Variants in MTUS2 observed in about 807,000 individuals in gnomAD.
MTUS2 encodes the protein microtubule associated scaffold protein 2, also known as microtubule-associated tumor suppressor candidate 2.
In MTUS2, 40 loss-of-function variants were observed where a neutral mutation model predicts 114.1. The ratio of observed to expected loss-of-function variants is 0.35; its 90% confidence interval spans 0.27 to 0.46. The LOEUF (loss-of-function observed/expected upper bound fraction) is 0.46. Ranked by LOEUF, MTUS2 falls within the 20% of genes least tolerant of loss-of-function variation. The pLI is 1.00. For missense variants in MTUS2, 1,679 were observed against 1,705.4 expected (o/e 0.98, Z 0.27); for synonymous variants, 688 against 672.0 (o/e 1.02, Z -0.37).
chr13:28,997,145 G>C (rs960568139), intron 2 of MTUS2, among the ~76,000 whole-genome samples: 6 of 152,040 alleles, frequency 3.9e-5, no homozygotes, highest in African/African-American at 1.2e-4. Context: ...CCTTCATTTC[G>C]TTATGTACCC....
At chr13:28,953,077 A>C (rs589511) in intron 2 of MTUS2, among the ~76,000 whole-genome samples, 138,806 of 152,240 alleles carry the variant, frequency 0.91, 63,641 homozygotes, top group South Asian at 0.99. Flanking sequence ...AATCTTTATG[A>C]TTTTTGCATC....
At chr13:29,122,110 T>C (rs1891335103) in intron 5 of MTUS2, among the ~76,000 whole-genome samples, 1 of 152,110 alleles carries the variant, frequency 6.6e-6, no homozygotes, top group African/African-American at 2.4e-5. Context: ...GTTGTACTCT[T>C]TACTGATGCA....
chr13:29,137,671 C>T (rs961696906), intron 5 of MTUS2, among the ~76,000 whole-genome samples: 1 of 151,840 alleles, frequency 6.6e-6, no homozygotes, highest in Non-Finnish European at 1.5e-5. Context: ...GGCTGGAGTA[C>T]AGTGGCGTGA....
intron 2 of MTUS2, among the ~76,000 whole-genome samples, chr13:28,963,767 T>C (rs1258799305): frequency 6.6e-6 from 1 of 152,204 alleles, no homozygotes; most frequent in Non-Finnish European, 1.5e-5. Context: ...GAGACTGCTC[T>C]TGTCAACTTT....
chr13:28,965,142 C>A (rs1023972094), intron 2 of MTUS2, among the ~76,000 whole-genome samples: 1 of 152,174 alleles, frequency 6.6e-6, no homozygotes, highest in African/African-American at 2.4e-5. Flanking sequence ...GATCTCTCTT[C>A]TAGCTCTTCC....
chr13:29,103,050 C>T (rs1185094233), intron 5 of MTUS2, among the ~76,000 whole-genome samples: 2 of 152,116 alleles, frequency 1.3e-5, no homozygotes, highest in African/African-American at 2.4e-5. Flanking sequence ...GTATCAGAAT[C>T]GGTCCTTTTT....
At chr13:28,916,143 T>G (rs1434717547) in intron 2 of MTUS2, among the ~76,000 whole-genome samples, 1 of 152,024 alleles carries the variant, frequency 6.6e-6, no homozygotes, top group Middle Eastern at 3.2e-3. Flanking sequence ...TCTATTCTAT[T>G]CCATTGGTCT....
At chr13:29,466,852 CAGTGACAA>C (rs1300440719) in intron 9 of MTUS2, among the ~76,000 whole-genome samples, 1 of 119,070 alleles carries the variant, frequency 8.4e-6, no homozygotes, top group Non-Finnish European at 1.6e-5. Context: ...ACTCCAGCCT[CAGTGACAA>C]AGTGAGACCT....
intron 5 of MTUS2, among the ~76,000 whole-genome samples, chr13:29,153,603 T>C (rs1039879382): frequency 1.3e-5 from 2 of 152,176 alleles, no homozygotes; most frequent in African/African-American, 4.8e-5. Context: ...AGAACCCTAC[T>C]GGGCTTGTCT....
chr13:29,180,328 A>T (rs1478888515), intron 5 of MTUS2, among the ~76,000 whole-genome samples: 1 of 152,260 alleles, frequency 6.6e-6, no homozygotes, highest in Non-Finnish European at 1.5e-5. Context: ...GAACACAGAC[A>T]TATACACAAT....
intron 2 of MTUS2, among the ~76,000 whole-genome samples, chr13:28,954,153 G>A (rs1038937700): frequency 2.0e-5 from 3 of 152,154 alleles, no homozygotes; most frequent in African/African-American, 7.2e-5. Flanking sequence ...TGCAGAGTGT[G>A]TTCATTTTTA....
intron 2 of MTUS2, among the ~76,000 whole-genome samples, chr13:28,987,175 G>C (rs967703353): frequency 6.6e-6 from 1 of 152,206 alleles, no homozygotes; most frequent in Non-Finnish European, 1.5e-5. Flanking sequence ...ATCTGGACTT[G>C]TCAGCCTACA....
intron 2 of MTUS2, among the ~76,000 whole-genome samples, chr13:28,937,335 G>A (rs1254057190): frequency 6.6e-6 from 1 of 151,274 alleles, no homozygotes; most frequent in Middle Eastern, 3.2e-3. Context: ...CTGTAAAATG[G>A]ACCAATCAGT....
chr13:29,043,425 T>G (rs1480310715), intron 4 of MTUS2, among the ~76,000 whole-genome samples: 5 of 152,158 alleles, frequency 3.3e-5, no homozygotes, highest in African/African-American at 1.2e-4. Context: ...TAGAATGTTC[T>G]GTAAATATCT....
chr13:29,066,342 G>A (rs1358610784), intron 4 of MTUS2, among the ~76,000 whole-genome samples: 1 of 152,188 alleles, frequency 6.6e-6, no homozygotes. Context: ...ATAACAAAGG[G>A]ATTTAAAACA....
At chr13:29,166,497 T>C (rs1266292331) in intron 5 of MTUS2, among the ~76,000 whole-genome samples, 1 of 152,216 alleles carries the variant, frequency 6.6e-6, no homozygotes, top group East Asian at 1.9e-4. Context: ...CCAGACCCAT[T>C]ATCTGTCTCT....
chr13:29,021,492 T>C (rs1170253096), intron 2 of MTUS2, among the ~76,000 whole-genome samples: 1 of 152,254 alleles, frequency 6.6e-6, no homozygotes, highest in African/African-American at 2.4e-5. Context: ...TTGTGGACTT[T>C]GGTACTTTGT....
At chr13:29,414,935 T>G (rs2138566294) in intron 8 of MTUS2, among the ~76,000 whole-genome samples, 1 of 151,808 alleles carries the variant, frequency 6.6e-6, no homozygotes, top group South Asian at 2.1e-4. Flanking sequence ...TTCTATAAAT[T>G]TTCCTCTGAT....
At chr13:29,158,155 CA>C (rs1892942798) in intron 5 of MTUS2, among the ~76,000 whole-genome samples, 1 of 152,130 alleles carries the variant, frequency 6.6e-6, no homozygotes, top group African/African-American at 2.4e-5. Flanking sequence ...CGGACTCCCT[CA>C]AACGTCTTTG....
Sources: gnomAD v4.1 joint callset for allele counts (sites outside exome capture counted in the v4.1 genomes callset) on GRCh38, gnomAD v4.1.1 for gene constraint, MANE v1.5 for transcripts, NCBI Gene and HGNC (gene_info 2026-07-23, HGNC 2026-07-21) for gene names.